The following USP47 variants were observed in gnomAD, a reference collection of about 807,000 sequenced individuals.
USP47 encodes the protein ubiquitin carboxyl-terminal hydrolase 47.
A neutral mutation model predicts 165.1 loss-of-function variants in USP47; 35 were observed. That is an observed-to-expected ratio of 0.21 (90% CI 0.16 to 0.28). USP47 has a LOEUF of 0.28. USP47 is among the 10% of genes least tolerant of loss of function. USP47 has a pLI of 1.00. For synonymous variants in USP47, 531 were observed against 544.5 expected (o/e 0.98, Z 0.35); for missense variants, 1,277 against 1,607.4 (o/e 0.79, Z 3.52).
intron 1 of USP47, among the ~76,000 whole-genome samples, chr11:11,869,011 T>G (rs1421530123): frequency 6.6e-6 from 1 of 152,114 alleles, no homozygotes; most frequent in Non-Finnish European, 1.5e-5. Context: ...TCTTTATATA[T>G]TCTAGATACT....
At chr11:11,874,363 A>C (rs1014449912) in intron 1 of USP47, among the ~76,000 whole-genome samples, 1 of 152,050 alleles carries the variant, frequency 6.6e-6, no homozygotes, top group Non-Finnish European at 1.5e-5. Context: ...AATCTCTCTT[A>C]TCCTTCCCAA....
At chr11:11,877,310 T>C (rs1334240691) in intron 1 of USP47, among the ~76,000 whole-genome samples, 1 of 152,186 alleles carries the variant, frequency 6.6e-6, no homozygotes, top group Non-Finnish European at 1.5e-5. Context: ...AAAATTCAGA[T>C]GAAGTCCACA....
rs1199757745 is a variant in USP47, at chr11:11,958,684, AC to A, written c.*2511del. ...TGTCAACCATGCACACCCTGTGAGA[AC>A]CAAGTACCTGTGTTTCTAAGGCGGG... On this transcript the variant is annotated 3_prime_UTR_variant, in exon 28 of 28. Transcript: ENST00000527733. The A allele has an allele frequency of 6.6e-6, 1 of 152,236 alleles. No individual in the cohort carries two copies. The highest frequency in any genetic ancestry group is 2.4e-5 in the African/African-American group (1 of 41,458). 9.4% of individuals were successfully genotyped at this position (152,236 alleles called of 1,614,324 possible). A position where few individuals can be genotyped will look rare whatever the true frequency, so the allele number is the denominator to read the frequency against.
intron 8 of USP47, among the ~76,000 whole-genome samples, chr11:11,911,153 A>G (rs1048595255): frequency 6.6e-6 from 1 of 152,210 alleles, no homozygotes; most frequent in Non-Finnish European, 1.5e-5. Context: ...ACTTGAAGAT[A>G]GAATGATAGA....
At chr11:11,954,642 T>C (rs560374656) in intron 25 of USP47, among the ~76,000 whole-genome samples, 1 of 152,256 alleles carries the variant, frequency 6.6e-6, no homozygotes, top group South Asian at 2.1e-4. Flanking sequence ...TATAGAGATA[T>C]TAATCTGATT....
intron 8 of USP47, among the ~76,000 whole-genome samples, chr11:11,913,434 C>A (rs1327972386): frequency 6.6e-6 from 1 of 151,536 alleles, no homozygotes; most frequent in South Asian, 2.1e-4. Flanking sequence ...AGATGGAAAT[C>A]CAACAAAAAA....
At chr11:11,843,590 G>T (rs1437206718) in intron 1 of USP47, among the ~76,000 whole-genome samples, 1 of 152,144 alleles carries the variant, frequency 6.6e-6, no homozygotes, top group Non-Finnish European at 1.5e-5. Flanking sequence ...GTATAAATGT[G>T]TATTTCATTT....
At chr11:11,855,951 C>T (rs866347199) in intron 1 of USP47, among the ~76,000 whole-genome samples, 25 of 152,084 alleles carry the variant, frequency 1.6e-4, no homozygotes, top group African/African-American at 5.1e-4. Flanking sequence ...TAAAGTGGGA[C>T]CATAGAGCGG....
intron 8 of USP47, among the ~76,000 whole-genome samples, chr11:11,916,062 TAA>T (rs1361316261): frequency 6.6e-6 from 1 of 152,244 alleles, no homozygotes; most frequent in African/African-American, 2.4e-5. Flanking sequence ...GCATTAGCTC[TAA>T]AATTGGAATA....
Position 11,948,574 on chromosome 11 carries a change from A to G in USP47, c.3348+16A>G, listed in dbSNP as rs753521494. The G allele has an allele frequency of 6.4e-7, 1 of 1,558,790 alleles. No homozygotes were observed. The highest frequency in any genetic ancestry group is 8.8e-7 in the Non-Finnish European group (1 of 1,131,300). ...TGAACAAGAGGTAAGTAATACGTTTAAGAATAATATAAGGTTACTTTTTAC... is the reference window on the plus strand; with the variant it reads ...TGAACAAGAGGTAAGTAATACGTTTGAGAATAATATAAGGTTACTTTTTAC... On this transcript the variant is annotated intron_variant, in intron 22 of 27. Transcript: ENST00000527733.
chr11:11,948,775 G>T (rs577290101), intron 22 of USP47: 3 of 414,904 alleles, frequency 7.2e-6, no homozygotes, highest in Non-Finnish European at 1.3e-5. Context: ...CAATGAGATG[G>T]CTATGTCTCA....
rs990484340 is a variant in USP47, at chr11:11,926,013, A to T, written c.1386+3122A>T. 6.6e-5 allele frequency among the ~76,000 whole-genome samples: 10 copies of T among 152,106 alleles called. No individual in the cohort carries two copies. The East Asian group carries it at 7.7e-4, about 12-fold the overall frequency. On this transcript the variant is annotated intron_variant, in intron 11 of 27. Transcript: ENST00000527733. ...ATTGAAGCGATCCTGTGGTTTTTTCATTCTGTTAATGTAGTGTATTACATT... is the reference window on the plus strand; with the variant it reads ...ATTGAAGCGATCCTGTGGTTTTTTCTTTCTGTTAATGTAGTGTATTACATT...
At chr11:11,852,236 C>G (rs569632822) in intron 1 of USP47, among the ~76,000 whole-genome samples, 7 of 152,064 alleles carry the variant, frequency 4.6e-5, no homozygotes, top group Non-Finnish European at 7.4e-5. Context: ...TTCTATTTCT[C>G]TCATTATTTC....
intron 8 of USP47, among the ~76,000 whole-genome samples, chr11:11,912,749 T>A (rs1459745612): frequency 2.0e-5 from 3 of 152,040 alleles, no homozygotes; most frequent in African/African-American, 7.2e-5. Flanking sequence ...ATATGTGTAG[T>A]TGGTAAAATT....
chr11:11,860,834 A>G (rs575534938), intron 1 of USP47, among the ~76,000 whole-genome samples: 18 of 152,352 alleles, frequency 1.2e-4, no homozygotes, highest in African/African-American at 4.1e-4. Context: ...CATTGCCAAT[A>G]CTAGAACAGC....
At chr11:11,865,548 G>T (rs1849623986) in intron 1 of USP47, among the ~76,000 whole-genome samples, 1 of 151,910 alleles carries the variant, frequency 6.6e-6, no homozygotes, top group African/African-American at 2.4e-5. Context: ...GGATCTTATG[G>T]TAATACTATG....
chr11:11,888,192 A>G (rs1851286548), intron 3 of USP47, among the ~76,000 whole-genome samples: 4 of 152,172 alleles, frequency 2.6e-5, no homozygotes, highest in Admixed American at 2.6e-4. Flanking sequence ...AAGCTAGCAG[A>G]AGACAAGAAA....
chr11:11,912,900 A>C (rs544117885), intron 8 of USP47, among the ~76,000 whole-genome samples: 1 of 152,218 alleles, frequency 6.6e-6, no homozygotes, highest in South Asian at 2.1e-4. Context: ...CGAGCCAAAA[A>C]AGAAAATTCA....
At chr11:11,899,823 T>C (rs181603167) in intron 5 of USP47, among the ~76,000 whole-genome samples, 2 of 152,250 alleles carry the variant, frequency 1.3e-5, no homozygotes, top group East Asian at 3.9e-4. Context: ...GTGAAGTTTA[T>C]AGCAGGTGGG....
Sources: gnomAD v4.1 joint callset for allele counts (sites outside exome capture counted in the v4.1 genomes callset) on GRCh38, gnomAD v4.1.1 for gene constraint, MANE v1.5 for transcripts, NCBI Gene and HGNC (gene_info 2026-07-23, HGNC 2026-07-21) for gene names.